NRXN3: variants seen among roughly 807,000 people sequenced by gnomAD.
NRXN3 encodes the protein neurexin III.
A neutral mutation model predicts 137.6 loss-of-function variants in NRXN3; 32 were observed. The observed-to-expected ratio is 0.23, with a 90% CI of 0.18 to 0.31. NRXN3 has a LOEUF of 0.31. Ranked by LOEUF, NRXN3 falls within the 10% of genes least tolerant of loss-of-function variation. The probability of loss-of-function intolerance (pLI) is 1.00; values close to 1 mark genes in which losing one functional copy is unlikely to be tolerated. For missense variants in NRXN3, 1,574 were observed against 2,062.5 expected (o/e 0.76, Z 4.59); for synonymous variants, 798 against 784.5 (o/e 1.02, Z -0.29).
intron 15 of NRXN3, among the ~76,000 whole-genome samples, chr14:79,460,479 CG>C (rs931782997): frequency 1.3e-4 from 19 of 151,972 alleles, no homozygotes; most frequent in African/African-American, 4.6e-4. Context: ...ACTTTGGCAT[CG>C]GGCAGAAAAA....
At chr14:78,416,281 C>T (rs1413525293) in intron 4 of NRXN3, among the ~76,000 whole-genome samples, 1 of 152,088 alleles carries the variant, frequency 6.6e-6, no homozygotes, top group Non-Finnish European at 1.5e-5. Context: ...ATGACTTATT[C>T]CCTGTAGAGT....
intron 15 of NRXN3, among the ~76,000 whole-genome samples, chr14:79,339,682 T>C (rs554808128): frequency 6.6e-6 from 1 of 152,316 alleles, no homozygotes; most frequent in Non-Finnish European, 1.5e-5. Context: ...GGAACACTGA[T>C]CTAGTGATTA....
Position 79,258,010 on chromosome 14 carries a change from C to A in NRXN3, c.3263-209211C>A, listed in dbSNP as rs116789632. On this transcript the variant is annotated intron_variant, in intron 15 of 20. Coordinates refer to ENST00000335750, the MANE Select transcript of NRXN3 (RefSeq NM_001330195.2). ...CTCTTTGAATCCCAGTGGTAAAGGACTTCTTCCTACAAGACATAATGAATT... is the reference window on the plus strand; with the variant it reads ...CTCTTTGAATCCCAGTGGTAAAGGAATTCTTCCTACAAGACATAATGAATT... Among the ~76,000 whole-genome samples the A allele has an allele frequency of 3.4e-3, 524 of 152,110 alleles. 6 individuals carry two copies. Among genetic ancestry groups the A allele is most frequent in the African/African-American group, 0.012 (513 of 41,486 alleles).
chr14:79,827,149 C>G (rs1192461019), intron 20 of NRXN3, among the ~76,000 whole-genome samples: 1 of 152,048 alleles, frequency 6.6e-6, no homozygotes, highest in Non-Finnish European at 1.5e-5. Context: ...AATTAAGTGA[C>G]CTCCAAATAA....
chr14:78,216,935 C>G (rs889087253), intron 1 of NRXN3, among the ~76,000 whole-genome samples: 1 of 152,172 alleles, frequency 6.6e-6, no homozygotes, highest in African/African-American at 2.4e-5. Flanking sequence ...CCACATCTCT[C>G]TATCCCTCTA....
rs1309873015 is a variant in NRXN3, at chr14:78,243,466, C to G, written c.373C>G (p.Leu125Val). The G allele has an allele frequency of 6.3e-7, 1 of 1,583,192 alleles. No homozygotes were observed. Among genetic ancestry groups the G allele is most frequent in the African/African-American group, 1.3e-5 (1 of 74,694 alleles). ...TGACCGCCTGCGCACGGTGCTGATGCTTGATGGCGAGGGCCAGTCTGGGGA... is the reference window on the plus strand; with the variant it reads ...TGACCGCCTGCGCACGGTGCTGATGGTTGATGGCGAGGGCCAGTCTGGGGA... ...SRDRLRTVLM[L>V]DGEGQSGELQ... Residue 125 changes from leucine (L) to valine (V), a missense_variant, in exon 2 of 21, where the codon CTT (leucine) becomes GTT (valine). Physicochemically the swap from Leu to Val is conservative, Grantham distance 32. Transcript: ENST00000335750. The surrounding 1 kb of genome is among the most constrained non-coding windows in gnomAD (Gnocchi z 4.2).
chr14:78,851,455 G>T (rs1211525758), intron 10 of NRXN3, among the ~76,000 whole-genome samples: 8 of 152,178 alleles, frequency 5.3e-5, no homozygotes, highest in Non-Finnish European at 1.2e-4. Context: ...GTGTGGCCTA[G>T]ATCTCATAGA....
At chr14:78,893,848 C>A (rs1418199883) in intron 10 of NRXN3, among the ~76,000 whole-genome samples, 3 of 151,718 alleles carry the variant, frequency 2.0e-5, no homozygotes, top group African/African-American at 7.3e-5. Flanking sequence ...AAGCAGATAC[C>A]ACAATAAAGC....
At chr14:78,940,278 C>T (rs929704630) in intron 10 of NRXN3, among the ~76,000 whole-genome samples, 3 of 152,180 alleles carry the variant, frequency 2.0e-5, no homozygotes, top group African/African-American at 2.4e-5. Flanking sequence ...ATAAGCTTTG[C>T]TTTCTCTAAC....
At chr14:78,800,386 A>G (rs2098835139) in intron 8 of NRXN3, among the ~76,000 whole-genome samples, 1 of 152,206 alleles carries the variant, frequency 6.6e-6, no homozygotes, top group Non-Finnish European at 1.5e-5. Flanking sequence ...TAAATGCTCA[A>G]TTTTAGGTAT....
At chr14:78,363,094 C>T (rs2085376539) in intron 4 of NRXN3, among the ~76,000 whole-genome samples, 1 of 152,216 alleles carries the variant, frequency 6.6e-6, no homozygotes, top group Non-Finnish European at 1.5e-5. Context: ...ATCCTTGAGT[C>T]GGGAAGGTCA....
At chr14:79,383,270 C>T (rs1349084695) in intron 15 of NRXN3, among the ~76,000 whole-genome samples, 1 of 152,052 alleles carries the variant, frequency 6.6e-6, no homozygotes, top group Admixed American at 6.6e-5. Flanking sequence ...GCACCCAACC[C>T]TCCTATGCCT....
intron 8 of NRXN3, among the ~76,000 whole-genome samples, chr14:78,726,968 A>AAAAAC (rs1472252683): frequency 7.3e-5 from 11 of 151,694 alleles, no homozygotes; most frequent in Non-Finnish European, 1.6e-4. Context: ...CTAAAAAAAA[A>AAAAAC]AAAAAAAAAA....
chr14:78,447,379 G>A (rs956495644), intron 4 of NRXN3, among the ~76,000 whole-genome samples: 3 of 152,178 alleles, frequency 2.0e-5, no homozygotes, highest in Non-Finnish European at 4.4e-5. Flanking sequence ...GCACCCTAAG[G>A]CCTAATAACA....
intron 19 of NRXN3, among the ~76,000 whole-genome samples, chr14:79,757,326 G>C (rs998266703): frequency 6.6e-6 from 1 of 152,144 alleles, no homozygotes; most frequent in African/African-American, 2.4e-5. Context: ...AGAACAACTA[G>C]GGGGAAATAA....
chr14:79,566,348 T>C lies in NRXN3; in HGVS notation c.3445-97430T>C, dbSNP rs111578057. Among the ~76,000 whole-genome samples, 132 of 152,176 alleles carry C rather than the reference T, an allele frequency of 8.7e-4. 1 individual carries two copies. The Middle Eastern group carries it at 0.017, about 20-fold the overall frequency. On this transcript the variant is annotated intron_variant, in intron 16 of 20. Coordinates refer to ENST00000335750, the MANE Select transcript of NRXN3 (RefSeq NM_001330195.2). Reference sequence around the variant, plus strand: ...ATCTTTCCTTGCTTTTAGTTTTCCTTTGAGGCCCTACCTCCCAACTCCCTC... The same window carrying C: ...ATCTTTCCTTGCTTTTAGTTTTCCTCTGAGGCCCTACCTCCCAACTCCCTC...
intron 2 of NRXN3, among the ~76,000 whole-genome samples, chr14:78,263,326 T>C (rs1055766538): frequency 6.6e-6 from 1 of 152,198 alleles, no homozygotes; most frequent in Non-Finnish European, 1.5e-5. Context: ...TTTATTCTGA[T>C]CATTTATCAG....
intron 16 of NRXN3, among the ~76,000 whole-genome samples, chr14:79,514,168 T>A (rs1000020280): frequency 5.5e-5 from 8 of 145,666 alleles, no homozygotes; most frequent in Non-Finnish European, 9.0e-5. Flanking sequence ...TCTTTTTTTT[T>A]ATTTTTATCC....
At chr14:78,352,339 C>G (rs937946528) in intron 4 of NRXN3, among the ~76,000 whole-genome samples, 2 of 152,320 alleles carry the variant, frequency 1.3e-5, no homozygotes, top group Non-Finnish European at 1.5e-5. Flanking sequence ...CCCAGCTCCT[C>G]TATATGTCCT....
Sources: gnomAD v4.1 joint callset for allele counts (sites outside exome capture counted in the v4.1 genomes callset) on GRCh38, gnomAD v4.1.1 for gene constraint, Gnocchi (gnomAD v3.1) non-coding constraint, MANE v1.5 for transcripts, NCBI Gene and HGNC (gene_info 2026-07-23, HGNC 2026-07-21) for gene names.